The following ZMIZ1 variants were observed in gnomAD, a reference collection of about 807,000 sequenced individuals.
ZMIZ1 encodes the protein zinc finger MIZ domain-containing protein 1.
ZMIZ1 carries 17 observed loss-of-function variants against 113.9 expected under a neutral mutation model. The observed-to-expected ratio is 0.15, with a 90% CI of 0.10 to 0.22. The LOEUF (loss-of-function observed/expected upper bound fraction) is 0.22, where lower values mean the gene tolerates loss of function less well. Ranked by LOEUF, ZMIZ1 falls within the 10% of genes least tolerant of loss-of-function variation. The pLI is 1.00. For synonymous variants in ZMIZ1, 607 were observed against 603.1 expected (o/e 1.01, Z -0.09); for missense variants, 1,059 against 1,477.8 (o/e 0.72, Z 4.65).
At chr10:79,201,734 G>T in intron 5 of ZMIZ1, 42 bp downstream of exon 5, 1 of 1,604,172 alleles carries the variant, frequency 6.2e-7, no homozygotes, top group African/African-American at 1.3e-5. Context: ...GGGGCAGATG[G>T]GGCGGGCTGC....
intron 7 of ZMIZ1, among the ~76,000 whole-genome samples, chr10:79,236,664 G>A (rs898873062): frequency 1.3e-5 from 2 of 152,240 alleles, no homozygotes; most frequent in South Asian, 2.1e-4. Flanking sequence ...AACAACCCAC[G>A]TTCTAGGAAG....
At chr10:79,182,161 C>T (rs1288561641) in intron 4 of ZMIZ1, among the ~76,000 whole-genome samples, 1 of 152,222 alleles carries the variant, frequency 6.6e-6, no homozygotes, top group Non-Finnish European at 1.5e-5. Context: ...CGCACCTCTC[C>T]CGAGGGGCAA....
intron 4 of ZMIZ1, among the ~76,000 whole-genome samples, chr10:79,195,367 G>A (rs1847789677): frequency 6.6e-6 from 1 of 152,228 alleles, no homozygotes; most frequent in South Asian, 2.1e-4. Flanking sequence ...AGACATGGCG[G>A]GGGTCCTGAG....
At position 79,303,139 on chromosome 10, in the gene ZMIZ1, C is replaced by T. The variant is rs1291539195; in HGVS notation, c.2126-876C>T. Among the ~76,000 whole-genome samples the T allele has an allele frequency of 3.3e-5, 5 of 151,710 alleles. No homozygotes were observed. In the East Asian group the frequency reaches 9.8e-4, roughly 30 times the overall value. ...CCTCCCAAAGTGCTGGGATTACAGG[C>T]GCGAGCCACCACACCTGGCCAGCTT... On this transcript the variant is annotated intron_variant, in intron 18 of 24. Coordinates refer to ENST00000334512, the MANE Select transcript of ZMIZ1 (RefSeq NM_020338.4).
At chr10:79,173,315 A>G (rs1227483967) in intron 4 of ZMIZ1, among the ~76,000 whole-genome samples, 1 of 152,124 alleles carries the variant, frequency 6.6e-6, no homozygotes, top group Non-Finnish European at 1.5e-5. Flanking sequence ...TTTTTAGCTC[A>G]TCAGCTGTTG....
At position 79,300,909 on chromosome 10, in the gene ZMIZ1, C is replaced by T. The variant is rs199876365; in HGVS notation, c.1986C>T (p.Asn662=). Residue 662 remains asparagine, a synonymous_variant, in exon 17 of 25, where the codon AAC becomes AAT. Transcript: ENST00000334512. ...AGCACGTGTGCCAGCCGGGCCGCAACACCATCCAGATCACCGTCACGGCCT... is the reference window on the plus strand; with the variant it reads ...AGCACGTGTGCCAGCCGGGCCGCAATACCATCCAGATCACCGTCACGGCCT... ...HLKHVCQPGR[N]TIQITVTACC... The T allele has an allele frequency of 2.0e-5, 32 of 1,612,330 alleles. No homozygotes were observed. The highest frequency in any genetic ancestry group is 2.7e-5 in the Non-Finnish European group (32 of 1,179,984).
In ZMIZ1 at chr10:79,287,541, T is replaced by C. The variant is rs539875656; in HGVS notation, c.426-2234T>C. 8.5e-5 allele frequency among the ~76,000 whole-genome samples: 13 copies of C among 152,374 alleles called. No individual in the cohort carries two copies. The South Asian group carries it at 2.1e-3, about 24-fold the overall frequency. ...TCAGATTTAGGCTGCTGAACCTGTG[T>C]TCAAACCTATTTGACCAAGATCCAC... On this transcript the variant is annotated intron_variant, in intron 8 of 24. Coordinates refer to ENST00000334512, the MANE Select transcript of ZMIZ1 (RefSeq NM_020338.4).
chr10:79,220,961 CTGTGTGCGTGTCTG>C (rs1274130880), intron 7 of ZMIZ1, among the ~76,000 whole-genome samples: 3 of 151,950 alleles, frequency 2.0e-5, no homozygotes, highest in Non-Finnish European at 4.4e-5. Context: ...GTATATGTAC[CTGTGTGCGTGTCTG>C]TGTGTGCATG....
At chr10:79,149,442 A>G (rs1012938696) in intron 3 of ZMIZ1, among the ~76,000 whole-genome samples, 1 of 152,084 alleles carries the variant, frequency 6.6e-6, no homozygotes, top group Non-Finnish European at 1.5e-5. Context: ...CACTCCCACC[A>G]TACCCCCAAC....
chr10:79,302,365 G>T (rs1211621382), intron 18 of ZMIZ1, among the ~76,000 whole-genome samples, 153 bp downstream of exon 18: 2 of 152,204 alleles, frequency 1.3e-5, no homozygotes, highest in African/African-American at 4.8e-5. Flanking sequence ...CTGTCCTGAG[G>T]CTCATGCCCT....
At chr10:79,129,365 C>T (rs1844653836) in intron 2 of ZMIZ1, among the ~76,000 whole-genome samples, 2 of 152,204 alleles carry the variant, frequency 1.3e-5, no homozygotes, top group African/African-American at 4.8e-5. Context: ...GTGGGCAAAC[C>T]AGGATGGTTG....
chr10:79,202,605 C>G (rs1051406077), intron 5 of ZMIZ1, among the ~76,000 whole-genome samples: 14 of 152,206 alleles, frequency 9.2e-5, no homozygotes, highest in Non-Finnish European at 2.1e-4. Flanking sequence ...TGGTCCCCAC[C>G]CTGCTGAAGC....
chr10:79,313,081 G>A lies in ZMIZ1; in HGVS notation c.*332G>A, dbSNP rs754119635. The A allele has an allele frequency of 4.5e-5, 14 of 309,978 alleles. No individual in the cohort carries two copies. Among genetic ancestry groups the A allele is most frequent in the African/African-American group, 1.9e-4 (9 of 47,082 alleles). 19.2% of individuals were successfully genotyped at this position (309,978 alleles called of 1,614,324 possible). A position where few individuals can be genotyped will look rare whatever the true frequency, so the allele number is the denominator to read the frequency against. ...GCTGATGCGGCTTCCCGGTCCCTCC[G>A]CGTGTGCCGATTCCAGATGACCTTC... On this transcript the variant is annotated 3_prime_UTR_variant, in exon 25 of 25. Coordinates refer to ENST00000334512, the MANE Select transcript of ZMIZ1 (RefSeq NM_020338.4).
At chr10:79,179,525 T>C (rs1487963336) in intron 4 of ZMIZ1, among the ~76,000 whole-genome samples, 1 of 152,244 alleles carries the variant, frequency 6.6e-6, no homozygotes, top group African/African-American at 2.4e-5. Flanking sequence ...GCCTGCCATC[T>C]AGCTGGCACT....
chr10:79,305,210 C>G lies in ZMIZ1; in HGVS notation c.2333C>G (p.Thr778Ser). Residue 778 changes from threonine to serine, a missense_variant, in exon 20 of 25, where the codon ACC becomes AGC. Thr to Ser is a moderately conservative substitution (Grantham distance 58, BLOSUM62 1). This residue lies in a region of ZMIZ1 where 217 missense variants were observed against 426.9 expected (regional missense o/e 0.51). Coordinates refer to ENST00000334512, the MANE Select transcript of ZMIZ1 (RefSeq NM_020338.4). Reference protein sequence around the residue: ...SYLQLNCERGTWRCPVCNKTA... With the variant: ...SYLQLNCERGSWRCPVCNKTA... ...CTGCAGCTGAATTGCGAGAGAGGGA[C>G]CTGGAGGTGTCCTGTGTGCAAGTGA... is the stretch of plus-strand genomic sequence containing the variant. 1 of 1,614,126 alleles carries G rather than the reference C, an allele frequency of 6.2e-7. No individual in the cohort carries two copies. Among genetic ancestry groups the G allele is most frequent in the Non-Finnish European group, 8.5e-7 (1 of 1,180,004 alleles).
At chr10:79,266,058 G>A (rs181820520) in intron 7 of ZMIZ1, among the ~76,000 whole-genome samples, 27 of 152,334 alleles carry the variant, frequency 1.8e-4, no homozygotes, top group Admixed American at 1.8e-3. Context: ...ACTGGCCTGC[G>A]CCCTGAGAAA....
At chr10:79,191,909 A>T (rs1009200236) in intron 4 of ZMIZ1, among the ~76,000 whole-genome samples, 1 of 152,206 alleles carries the variant, frequency 6.6e-6, no homozygotes, top group Non-Finnish European at 1.5e-5. Flanking sequence ...GGCTTAACTG[A>T]TGTGACATAG....
At chr10:79,270,957 C>T (rs1851912805) in intron 7 of ZMIZ1, among the ~76,000 whole-genome samples, 2 of 152,138 alleles carry the variant, frequency 1.3e-5, no homozygotes, top group Non-Finnish European at 2.9e-5. Flanking sequence ...TGCCTTCCCT[C>T]CAGGGCCACC....
chr10:79,261,047 C>T (rs137911135), intron 7 of ZMIZ1, among the ~76,000 whole-genome samples: 3 of 152,328 alleles, frequency 2.0e-5, no homozygotes, highest in Non-Finnish European at 4.4e-5. Flanking sequence ...GAGACTGTAT[C>T]CCTGTCTTCA....
Sources: allele counts gnomAD v4.1 joint callset (sites outside exome capture counted in the v4.1 genomes callset), GRCh38; gene constraint gnomAD v4.1.1; regional missense constraint gnomAD v4.1.1; transcripts MANE v1.5; gene names NCBI Gene and HGNC (gene_info 2026-07-23, HGNC 2026-07-21).